Variants in DMRT1 observed in about 807,000 individuals in gnomAD.
DMRT1 encodes doublesex and mab-3 related transcription factor 1.
In DMRT1, 7 loss-of-function variants were observed where a neutral mutation model predicts 32.3. The ratio of observed to expected loss-of-function variants is 0.22; its 90% CI spans 0.12 to 0.41. The LOEUF (loss-of-function observed/expected upper bound fraction) is 0.41, where lower values mean the gene tolerates loss of function less well. Among genes scored for constraint, DMRT1 ranks in the 10% least tolerant of loss-of-function variants. The pLI, the probability that DMRT1 is intolerant of heterozygous loss-of-function variation, is 1.00. For synonymous variants in DMRT1, 278 were observed against 206.1 expected, an observed-to-expected ratio of 1.35 and a Z score of -2.99; for missense variants, 625 against 500.5, an observed-to-expected ratio of 1.25 and a Z score of -2.37.
intron 2 of DMRT1, among the ~76,000 whole-genome samples, chr9:862,917 T>C (rs1815785773): frequency 6.6e-6 from 1 of 152,020 alleles, no homozygotes; most frequent in African/African-American, 2.4e-5. Context: ...GTACCTTACA[T>C]GGCAGAAGGG....
At chr9:879,168 G>A (rs1180326478) in intron 2 of DMRT1, among the ~76,000 whole-genome samples, 1 of 152,162 alleles carries the variant, frequency 6.6e-6, no homozygotes, top group Non-Finnish European at 1.5e-5. Context: ...GGGCTGTTAA[G>A]ATGGAAGTTC....
chr9:897,969 G>C (rs1054823259), intron 3 of DMRT1, among the ~76,000 whole-genome samples: 1 of 152,168 alleles, frequency 6.6e-6, no homozygotes, highest in African/African-American at 2.4e-5. Flanking sequence ...AATGATAATG[G>C]TGCAAAATGC....
intron 4 of DMRT1, among the ~76,000 whole-genome samples, chr9:927,646 C>T (rs903843012): frequency 6.6e-6 from 1 of 152,160 alleles, no homozygotes; most frequent in African/African-American, 2.4e-5. Flanking sequence ...CCCATCTTGC[C>T]CGTATACACG....
At chr9:850,831 C>G (rs1839113869) in intron 2 of DMRT1, among the ~76,000 whole-genome samples, 1 of 152,032 alleles carries the variant, frequency 6.6e-6, no homozygotes, top group Admixed American at 6.6e-5. Flanking sequence ...GAGTTCTAGA[C>G]CAGCCTGGCC....
In DMRT1 at chr9:965,589, AGGGCATCTCCCG is replaced by A. The variant is rs574780021; in HGVS notation, c.968-2384_968-2373del. On this transcript the variant is annotated intron_variant, in intron 4 of 4. Transcript: ENST00000382276. This position sits in a 1 kb window ranked among gnomAD's most constrained non-coding sequence, Gnocchi z 4.5. ...AGTCCCAAGTTGGCTAAATGAGGAG[AGGGCATCTCCCG>A]GGGCATCTCCCAGTCAGCTGCTAAC... is the stretch of plus-strand genomic sequence containing the variant. Among the ~76,000 whole-genome samples, 1 of 152,178 alleles carries A rather than the reference AGGGCATCTCCCG, an allele frequency of 6.6e-6. No individual in the cohort carries two copies. Among genetic ancestry groups the A allele is most frequent in the Non-Finnish European group, 1.5e-5 (1 of 68,018 alleles).
chr9:923,808 T>TTA (rs1387842959), intron 4 of DMRT1, among the ~76,000 whole-genome samples: 1 of 152,218 alleles, frequency 6.6e-6, no homozygotes, highest in African/African-American at 2.4e-5. Context: ...TATGCAACAT[T>TTA]TAGAAAATGC....
chr9:913,343 C>T (rs1818055274), intron 3 of DMRT1, among the ~76,000 whole-genome samples: 1 of 152,124 alleles, frequency 6.6e-6, no homozygotes, highest in African/African-American at 2.4e-5. Context: ...GCTTCTAATT[C>T]AGTGTTCACT....
chr9:869,630 T>C (rs1465893086), intron 2 of DMRT1, among the ~76,000 whole-genome samples: 3 of 152,234 alleles, frequency 2.0e-5, no homozygotes, highest in Non-Finnish European at 4.4e-5. Flanking sequence ...CCCTCTCTTG[T>C]TCTCTTTGAT....
intron 2 of DMRT1, among the ~76,000 whole-genome samples, chr9:884,865 G>T (rs1192982519): frequency 6.6e-6 from 1 of 152,174 alleles, no homozygotes; most frequent in African/African-American, 2.4e-5. Context: ...AGCTACTCGG[G>T]AGGCTGAGGC....
intron 2 of DMRT1, among the ~76,000 whole-genome samples, chr9:880,046 A>C (rs895437134): frequency 2.0e-5 from 3 of 152,220 alleles, no homozygotes; most frequent in African/African-American, 7.2e-5. Flanking sequence ...TTCGGCAATA[A>C]ATACTGTCAG....
At chr9:864,102 T>C (rs543797250) in intron 2 of DMRT1, among the ~76,000 whole-genome samples, 1 of 152,200 alleles carries the variant, frequency 6.6e-6, no homozygotes, top group Non-Finnish European at 1.5e-5. Flanking sequence ...GCCTGTAACT[T>C]TTCCACTTCC....
chr9:882,313 A>G (rs981096585), intron 2 of DMRT1, among the ~76,000 whole-genome samples: 1 of 152,190 alleles, frequency 6.6e-6, no homozygotes, highest in Non-Finnish European at 1.5e-5. Flanking sequence ...CTCCTCCTGC[A>G]GTGGACCCTG....
At chr9:963,533 G>A (rs927930867) in intron 4 of DMRT1, among the ~76,000 whole-genome samples, 4 of 152,222 alleles carry the variant, frequency 2.6e-5, no homozygotes, top group Admixed American at 1.3e-4. Flanking sequence ...TAACTAGAGT[G>A]CAGGCATGAA....
At chr9:908,049 A>AAATACTCAC in intron 3 of DMRT1, among the ~76,000 whole-genome samples, 1 of 152,334 alleles carries the variant, frequency 6.6e-6, no homozygotes, top group East Asian at 1.9e-4. Flanking sequence ...TAAAATGTCA[A>AAATACTCAC]AATACTCACA....
intron 3 of DMRT1, among the ~76,000 whole-genome samples, chr9:905,583 T>G (rs1817745652): frequency 6.6e-6 from 1 of 151,708 alleles, no homozygotes; most frequent in African/African-American, 2.4e-5. Flanking sequence ...AATGGAAAGG[T>G]TTTTTGTTTG....
At chr9:897,151 C>T (rs1817402050) in intron 3 of DMRT1, among the ~76,000 whole-genome samples, 2 of 150,892 alleles carry the variant, frequency 1.3e-5, no homozygotes, top group African/African-American at 2.4e-5. Flanking sequence ...CTCGCTCTGT[C>T]GCCCAGGCTG....
rs186383523 is a variant in DMRT1, at chr9:944,660, A to G, written c.968-23325A>G. 3.2e-3 allele frequency among the ~76,000 whole-genome samples: 495 copies of G among 152,308 alleles called. 3 individuals are homozygous for G. Among genetic ancestry groups the G allele is most frequent in the Non-Finnish European group, 5.8e-3 (392 of 68,022 alleles). On this transcript the variant is annotated intron_variant, in intron 4 of 4. Transcript: ENST00000382276. ...AGAACAGAATCCGTTGCCCTCATTT[A>G]TAAGTAGCAACCTCTTTTGGGTAAA...
At chr9:911,484 T>TAGA (rs1817982890) in intron 3 of DMRT1, among the ~76,000 whole-genome samples, 3 of 73,244 alleles carry the variant, frequency 4.1e-5, no homozygotes, top group African/African-American at 1.7e-4. Flanking sequence ...TTTTTTTTTT[T>TAGA]TTTTTTTTTT....
rs571932750 is a variant in DMRT1 at position 967,132 on chromosome 9, TC to T, written c.968-849del. 2.0e-5 allele frequency among the ~76,000 whole-genome samples: 3 copies of T among 152,232 alleles called. No individual in the cohort carries two copies. The South Asian group carries it at 6.2e-4, about 32-fold the overall frequency. ...GAGGAGAGAAATTACCACTGCAGCT[TC>T]CCCTTAATTACATTCACACTAGGCA... On this transcript the variant is annotated intron_variant, in intron 4 of 4. Transcript: ENST00000382276.
Sources: gnomAD v4.1 joint callset for allele counts (sites outside exome capture counted in the v4.1 genomes callset) on GRCh38, gnomAD v4.1.1 for gene constraint, Gnocchi (gnomAD v3.1) non-coding constraint, MANE v1.5 for transcripts, NCBI Gene and HGNC (gene_info 2026-07-23, HGNC 2026-07-21) for gene names.